Variants in MYOM3 observed in about 807,000 individuals in gnomAD.
MYOM3 encodes myomesin-3.
Under a neutral mutation model 191.7 loss-of-function variants are expected in MYOM3, and 155 were observed. That is an observed-to-expected ratio of 0.81 (90% CI 0.71 to 0.92). The LOEUF is 0.92. Among genes scored for constraint, MYOM3 ranks in the 40% least tolerant of loss-of-function variants. MYOM3 has a pLI of 0.00. For missense variants in MYOM3, 1,889 were observed against 1,890.6 expected (o/e 1.00, Z 0.02); for synonymous variants, 757 against 762.9 (o/e 0.99, Z 0.13).
At chr1:24,076,514 T>TC (rs1643602120) in intron 20 of MYOM3, among the ~76,000 whole-genome samples, 1 of 51,272 alleles carries the variant, frequency 2.0e-5, no homozygotes. Context: ...TTTCTTTTTT[T>TC]TTTTTTTTTT....
chr1:24,082,293 T>C (rs1570870047), intron 17 of MYOM3, 105 bp from the exon 18 acceptor site: 2 of 1,095,016 alleles, frequency 1.8e-6, no homozygotes, highest in African/African-American at 3.2e-5. Flanking sequence ...GTGCCTGCCC[T>C]ACTCCAGGGG....
In MYOM3 at chr1:24,056,193, G is replaced by A. The variant is rs1450104394; in HGVS notation, c.*1171C>T. 1.3e-5 allele frequency: 2 copies of A among 152,130 alleles called. No individual in the cohort carries two copies. The highest frequency in any genetic ancestry group is 2.9e-5 in the Non-Finnish European group (2 of 68,036). The allele number at this position is 152,130 out of a possible 1,614,324, so 9.4% of individuals were successfully genotyped here. Reference sequence around the variant, plus strand: ...GCAGAGAAATGCCCAGCTCAGTACTGAGATCCATCAAGTGAGGCCAGCCGG... The same window carrying A: ...GCAGAGAAATGCCCAGCTCAGTACTAAGATCCATCAAGTGAGGCCAGCCGG... On this transcript the variant is annotated 3_prime_UTR_variant, in exon 37 of 37. Coordinates refer to ENST00000374434, the MANE Select transcript of MYOM3 (RefSeq NM_152372.4).
rs895877283 is a variant in MYOM3, at chr1:24,062,087, C to T, written c.3793G>A (p.Asp1265Asn). The T allele has an allele frequency of 1.2e-6, 2 of 1,614,060 alleles. No individual in the cohort carries two copies. Among genetic ancestry groups the T allele is most frequent in the African/African-American group, 2.7e-5 (2 of 74,932 alleles). The change falls in exon 33 of 37, where the codon GAT becomes AAT. Residue 1265 changes from aspartate (D) to asparagine (N), a missense_variant. Transcript: ENST00000374434. ...FHKDKRLESG[D>N]RIRTGTTLDE... ...AGGGTGGTGCCCGTCCTTATCCGAT[C>T]ACCACTCTCCAGACGTTTGTCTCTG... is the stretch of plus-strand genomic sequence containing the variant.
chr1:24,082,643 A>G lies in MYOM3; in HGVS notation c.2042T>C (p.Val681Ala), dbSNP rs1570870538. ...CTCGGTGGCGGCTGAGCTCTCGCCT[A>G]CCCCAGCCTCGCTGACTGACCTGAC... ...FCVRSVSEAG[V>A]GESSAATEPI... Residue 681 changes from valine (V) to alanine (A), a missense_variant, in exon 17 of 37, where the codon GTA becomes GCA. Val to Ala is a moderately conservative substitution (Grantham distance 64). Coordinates refer to ENST00000374434, the MANE Select transcript of MYOM3 (RefSeq NM_152372.4). 2 of 1,610,900 alleles carry G rather than the reference A, an allele frequency of 1.2e-6. No individual in the cohort carries two copies. Among genetic ancestry groups the G allele is most frequent in the Admixed American group, 3.4e-5 (2 of 59,654 alleles).
chr1:24,074,297 T>C (rs946041106), intron 22 of MYOM3, 28 bp from the exon 23 acceptor site: 1 of 1,568,164 alleles, frequency 6.4e-7, no homozygotes, highest in African/African-American at 1.4e-5. Flanking sequence ...GCAGAGGCTC[T>C]GGGAGGAGCT....
chr1:24,064,547 G>A (rs747440005), intron 29 of MYOM3, among the ~76,000 whole-genome samples: 3 of 152,316 alleles, frequency 2.0e-5, no homozygotes, highest in Non-Finnish European at 2.9e-5. Flanking sequence ...CTGGATGGAG[G>A]GACCCCCACC....
chr1:24,084,760 A>AT (rs758277497), intron 15 of MYOM3, 121 bp from the exon 16 acceptor site: 30 of 893,584 alleles, frequency 3.4e-5, no homozygotes, highest in Admixed American at 1.4e-4. Context: ...AGGTGCATGA[A>AT]TTCCTGACCT....
At chr1:24,070,993 AAGCACACC>A (rs1643523933) in intron 25 of MYOM3, 116 bp downstream of exon 25, 3 of 1,264,682 alleles carry the variant, frequency 2.4e-6, no homozygotes, top group Non-Finnish European at 3.3e-6. Flanking sequence ...GCAACAGCAA[AAGCACACC>A]GTCATTTCTG....
At chr1:24,099,978 C>T (rs1319732884) in intron 5 of MYOM3, among the ~76,000 whole-genome samples, 1 of 152,094 alleles carries the variant, frequency 6.6e-6, no homozygotes, top group Non-Finnish European at 1.5e-5. Context: ...AGCAGTTCTC[C>T]CTGCCTCAGC....
At chr1:24,100,049 A>G (rs192971971) in intron 5 of MYOM3, among the ~76,000 whole-genome samples, 33 of 152,114 alleles carry the variant, frequency 2.2e-4, no homozygotes, top group African/African-American at 7.2e-4. Flanking sequence ...TTGTATTTCT[A>G]GTAGAGACGG....
chr1:24,086,170 G>C (rs1416275912), intron 15 of MYOM3, among the ~76,000 whole-genome samples: 1 of 152,156 alleles, frequency 6.6e-6, no homozygotes, highest in Non-Finnish European at 1.5e-5. Flanking sequence ...GTTGAGGACA[G>C]CAAGGTGTGC....
At chr1:24,076,085 A>G (rs1361659649) in intron 21 of MYOM3, 74 bp downstream of exon 21, 14 of 1,230,638 alleles carry the variant, frequency 1.1e-5, no homozygotes, top group African/African-American at 1.5e-5. Context: ...GCTTCTCCCA[A>G]CTTCCCTTGA....
At position 24,108,614 on chromosome 1, in the gene MYOM3, C is replaced by T. The variant is rs1371177693; in HGVS notation, c.23G>A (p.Gly8Glu). MTLPHSL[G>E]GAGDPRPPQA... Reference sequence around the variant, plus strand: ...GGGGGGCCGGGGGTCCCCCGCACCTCCCAAGCTGTGCGGCAGAGTCATGGT... The same window carrying T: ...GGGGGGCCGGGGGTCCCCCGCACCTTCCAAGCTGTGCGGCAGAGTCATGGT... The change falls in exon 2 of 37, where the codon GGA becomes GAA. Residue 8 changes from glycine (G) to glutamate (E), a missense_variant. Gly to Glu is a moderately conservative substitution (Grantham distance 98). Transcript: ENST00000374434. The T allele has an allele frequency of 2.6e-6, 4 of 1,565,850 alleles. No homozygotes were observed. The highest frequency in any genetic ancestry group is 3.5e-6 in the Non-Finnish European group (4 of 1,157,176).
At chr1:24,094,241 G>A (rs1179136787) in intron 9 of MYOM3, among the ~76,000 whole-genome samples, 6 of 147,870 alleles carry the variant, frequency 4.1e-5, no homozygotes, top group South Asian at 2.1e-4. Context: ...GTGCCATCTC[G>A]GCTCACTGCG....
intron 12 of MYOM3, 113 bp downstream of exon 12, chr1:24,090,684 G>T (rs996822756): frequency 1.9e-6 from 2 of 1,046,036 alleles, no homozygotes; most frequent in African/African-American, 1.6e-5. Context: ...GCTGGGCTGT[G>T]CTTCCTCCAC....
intron 5 of MYOM3, 77 bp from the exon 6 acceptor site, chr1:24,099,852 C>T (rs536071475): frequency 2.9e-6 from 3 of 1,046,608 alleles, no homozygotes; most frequent in Admixed American, 1.9e-5. Flanking sequence ...GATGGGGATT[C>T]CAGCTGCAGG....
rs751337245 is a variant in MYOM3 at position 24,084,393 on chromosome 1, T to C, written c.1970+75A>G. ...GAGCTGATTAAACCTCTTTTCTTTA[T>C]AAAAGAAATTACCCAGTCTCAGGTA... On this transcript the variant is annotated intron_variant, in intron 16 of 36. Coordinates refer to ENST00000374434, the MANE Select transcript of MYOM3 (RefSeq NM_152372.4). The C allele has an allele frequency of 5.3e-6, 8 of 1,509,702 alleles. No homozygotes were observed. In the South Asian group the frequency reaches 9.0e-5, roughly 17 times the overall value. 93.5% of individuals were successfully genotyped at this position (1,509,702 alleles called of 1,614,324 possible). A position where few individuals can be genotyped will look rare whatever the true frequency, so the allele number is the denominator to read the frequency against.
chr1:24,082,067 C>A lies in MYOM3; in HGVS notation c.2214G>T (p.Gln738His). The A allele has an allele frequency of 1.2e-6, 2 of 1,612,966 alleles. No homozygotes were observed. Among genetic ancestry groups the A allele is most frequent in the Non-Finnish European group, 1.7e-6 (2 of 1,179,972 alleles). ...GCCAGTCCAGCTCTTCCGAGTCATG[C>A]TGGTCCAGGAAGTAGCCCAGGATCT... is the stretch of plus-strand genomic sequence containing the variant. Reference protein sequence around the residue: ...GGKILGYFLDQHDSEELDWHA... With the variant: ...GGKILGYFLDHHDSEELDWHA... Residue 738 changes from glutamine to histidine, a missense_variant, in exon 18 of 37, where the codon CAG (glutamine) becomes CAT (histidine). By Grantham distance (24) the Gln-to-His change is conservative. Transcript: ENST00000374434.
chr1:24,092,815 G>A, intron 10 of MYOM3, 132 bp downstream of exon 10: 1 of 940,306 alleles, frequency 1.1e-6, no homozygotes, highest in Non-Finnish European at 1.5e-6. Context: ...CCAACCCAAA[G>A]CCCTGATTTT....
Sources: allele counts gnomAD v4.1 joint callset (sites outside exome capture counted in the v4.1 genomes callset), GRCh38; gene constraint gnomAD v4.1.1; transcripts MANE v1.5; gene names NCBI Gene and HGNC (gene_info 2026-07-23, HGNC 2026-07-21).